The following SUPT20H variants were observed in gnomAD, a reference collection of about 807,000 sequenced individuals.
SUPT20H encodes the protein SPT20 homolog, SAGA complex component, also known as transcription factor SPT20 homolog.
In SUPT20H, 82 loss-of-function variants were observed where a neutral mutation model predicts 122.8. The ratio of observed to expected loss-of-function variants is 0.67; its 90% CI spans 0.56 to 0.80. The LOEUF (loss-of-function observed/expected upper bound fraction) is 0.80. Ranked by LOEUF, SUPT20H falls within the 30% of genes least tolerant of loss-of-function variation. SUPT20H has a pLI of 0.00. For synonymous variants in SUPT20H, 291 were observed against 313.0 expected (o/e 0.93, Z 0.74); for missense variants, 831 against 921.6 (o/e 0.90, Z 1.27).
intron 16 of SUPT20H, chr13:37,025,714 T>G (rs2062138440): frequency 3.2e-6 from 1 of 309,334 alleles, no homozygotes; most frequent in African/African-American, 2.2e-5. Flanking sequence ...ACTTAAGTAA[T>G]AAGCAGCCAA....
At chr13:37,044,810 T>C (rs1353342229) in intron 6 of SUPT20H, among the ~76,000 whole-genome samples, 1 of 152,212 alleles carries the variant, frequency 6.6e-6, no homozygotes, top group Non-Finnish European at 1.5e-5. Context: ...CTGCTTAATT[T>C]TGAAGATTTC....
intron 6 of SUPT20H, 123 bp downstream of exon 6, chr13:37,045,124 T>C: frequency 7.9e-7 from 1 of 1,268,370 alleles, no homozygotes; most frequent in Non-Finnish European, 1.1e-6. Flanking sequence ...AATCTGTTTT[T>C]ATCACTAGGT....
At chr13:37,011,784 G>T (rs1441895781) in intron 24 of SUPT20H, among the ~76,000 whole-genome samples, 1 of 151,944 alleles carries the variant, frequency 6.6e-6, no homozygotes, top group African/African-American at 2.4e-5. Context: ...TGACCATTAA[G>T]ACTTAAGTCA....
chr13:37,031,629 A>G lies in SUPT20H; in HGVS notation c.865-6T>C. The G allele has an allele frequency of 6.4e-7, 1 of 1,564,358 alleles. No homozygotes were observed. Among genetic ancestry groups the G allele is most frequent in the African/African-American group, 1.4e-5 (1 of 72,452 alleles). On this transcript the variant is annotated splice_region_variant and splice_polypyrimidine_tract_variant and intron_variant, in intron 11 of 25. Transcript: ENST00000350612. ...CGTTTCCACATATCTACACACTGAAAAATTAAAAACAATATACTGAAAAAT... is the reference window on the plus strand; with the variant it reads ...CGTTTCCACATATCTACACACTGAAGAATTAAAAACAATATACTGAAAAAT...
intron 9 of SUPT20H, among the ~76,000 whole-genome samples, chr13:37,036,603 A>G (rs2064471360): frequency 6.6e-6 from 1 of 152,070 alleles, no homozygotes; most frequent in African/African-American, 2.4e-5. Flanking sequence ...TACAGGTGTG[A>G]GCCACTGCGA....
chr13:37,045,390 C>T lies in SUPT20H; in HGVS notation c.166-17G>A, dbSNP rs1038511584. Reference sequence around the variant, plus strand: ...TCTTAATTTCTGCTTTAAAAAGAGGCAGAGCTCATGAAAATAATCCAGTAT... The same window carrying T: ...TCTTAATTTCTGCTTTAAAAAGAGGTAGAGCTCATGAAAATAATCCAGTAT... On this transcript the variant is annotated splice_polypyrimidine_tract_variant and intron_variant, in intron 5 of 25. Transcript: ENST00000350612. The T allele has an allele frequency of 1.9e-6, 3 of 1,611,974 alleles. No homozygotes were observed. The East Asian group carries it at 6.7e-5, about 36-fold the overall frequency.
In SUPT20H at chr13:37,026,807, T is replaced by G; in HGVS notation, c.1161A>C (p.Thr387=). ...TTAATTACCAATTTGAATGATCATC[T>G]GTGGACGAGCTGAAATATAAAATGT... ...DSQMSPSHSS[T]DDHSNWFIIG... is the part of the protein sequence containing the mutation. The change falls in exon 15 of 26, where the codon ACA becomes ACC. Residue 387 remains threonine (T), a synonymous_variant. Transcript: ENST00000350612. 1 of 1,442,718 alleles carries G rather than the reference T, an allele frequency of 6.9e-7. No homozygotes were observed. Among genetic ancestry groups the G allele is most frequent in the East Asian group, 2.7e-5 (1 of 36,922 alleles). 89.4% of individuals were successfully genotyped at this position (1,442,718 alleles called of 1,614,324 possible).
chr13:37,030,806 A>AT (rs2063162381), intron 12 of SUPT20H, among the ~76,000 whole-genome samples: 1 of 152,234 alleles, frequency 6.6e-6, no homozygotes, highest in South Asian at 2.1e-4. Context: ...AGAACTGCAC[A>AT]TAAGCTACCA....
rs150083884 is a variant in SUPT20H, at chr13:37,056,474, A to T, written c.-94+3085T>A. ...GTTCATGTCCTTTGCAGTGACATGG[A>T]TGAAGCTGGAAACCATCATTCTCAG... On this transcript the variant is annotated intron_variant, in intron 1 of 25. Transcript: ENST00000350612. Among the ~76,000 whole-genome samples, 353 of 152,334 alleles carry T rather than the reference A, an allele frequency of 2.3e-3. 6 individuals carry two copies. The highest frequency in any genetic ancestry group is 0.021 in the Admixed American group (321 of 15,298).
Position 37,024,036 on chromosome 13 carries a change from T to TTGTGATGAG in SUPT20H, c.1581_1589dup (p.Ser529_Gln530insHisSerSer), listed in dbSNP as rs2061795201. ...TGAAGAATTTAAGTTATGACTCACT[T>TTGTGATGAG]TGTGATGAGCTGGCAGGTGATAGGG... is the stretch of plus-strand genomic sequence containing the variant. On this transcript the variant is annotated inframe_insertion and splice_region_variant, in exon 19 of 26. Transcript: ENST00000350612. 6.2e-7 allele frequency: 1 copy of TTGTGATGAG among 1,602,180 alleles called. No homozygotes were observed. The highest frequency in any genetic ancestry group is 1.1e-5 in the South Asian group (1 of 88,700).
At chr13:37,023,523 A>G (rs527465116) in intron 19 of SUPT20H, 6 of 152,700 alleles carry the variant, frequency 3.9e-5, no homozygotes, top group Admixed American at 3.9e-4. Context: ...CATTTTAGTA[A>G]CTGACAACAA....
intron 23 of SUPT20H, among the ~76,000 whole-genome samples, chr13:37,016,719 A>T (rs2060571756): frequency 6.6e-6 from 1 of 152,100 alleles, no homozygotes; most frequent in South Asian, 2.1e-4. Context: ...TATTTTTTTA[A>T]TTTCCCAGAT....
At chr13:37,054,007 T>A (rs1414729933) in intron 1 of SUPT20H, among the ~76,000 whole-genome samples, 2 of 151,986 alleles carry the variant, frequency 1.3e-5, no homozygotes, top group South Asian at 2.1e-4. Flanking sequence ...CAAATAAACT[T>A]GAAAATCTAG....
intron 14 of SUPT20H, among the ~76,000 whole-genome samples, chr13:37,027,870 C>A (rs968265782): frequency 1.9e-4 from 29 of 152,054 alleles, no homozygotes; most frequent in African/African-American, 7.0e-4. Flanking sequence ...TCCTAAGTGC[C>A]ATAAACATAT....
chr13:37,047,428 G>C (rs957048108), intron 5 of SUPT20H, 107 bp downstream of exon 5: 2 of 1,216,824 alleles, frequency 1.6e-6, no homozygotes, highest in Non-Finnish European at 2.2e-6. Context: ...GGTTAAAAAA[G>C]ATGTTAGTTC....
intron 9 of SUPT20H, chr13:37,038,172 A>C (rs2138475106): frequency 6.6e-6 from 1 of 152,250 alleles, no homozygotes; most frequent in Middle Eastern, 3.4e-3. Context: ...TTTCTACATT[A>C]TAAAATTTCC....
At position 37,009,571 on chromosome 13, in the gene SUPT20H, G is replaced by A. The variant is rs2059223962; in HGVS notation, c.*101C>T. On this transcript the variant is annotated 3_prime_UTR_variant, in exon 26 of 26. Coordinates refer to ENST00000350612, the MANE Select transcript of SUPT20H (RefSeq NM_001014286.3). ...GTATAAAGTTTGTACATCTAGCAAT[G>A]TAAAATACTGACACATTAAAAAAAA... The A allele has an allele frequency of 7.3e-7, 1 of 1,371,530 alleles. No homozygotes were observed. Among genetic ancestry groups the A allele is most frequent in the Non-Finnish European group, 1.0e-6 (1 of 963,356 alleles). 85.0% of individuals were successfully genotyped at this position (1,371,530 alleles called of 1,614,324 possible). A position where few individuals can be genotyped will look rare whatever the true frequency, so the allele number is the denominator to read the frequency against.
intron 9 of SUPT20H, among the ~76,000 whole-genome samples, chr13:37,036,225 GA>G (rs2064362762): frequency 6.6e-6 from 1 of 151,998 alleles, no homozygotes; most frequent in Non-Finnish European, 1.5e-5. Context: ...AATGTATATA[GA>G]TTTTTTTTTA....
At chr13:37,010,497 A>C (rs1025491001) in intron 25 of SUPT20H, 55 bp downstream of exon 25, 1 of 1,461,062 alleles carries the variant, frequency 6.8e-7, no homozygotes, top group Admixed American at 1.7e-5. Flanking sequence ...ATTTTGAGGT[A>C]CTTTTGGAGC....
Sources: allele counts gnomAD v4.1 joint callset (sites outside exome capture counted in the v4.1 genomes callset), GRCh38; gene constraint gnomAD v4.1.1; transcripts MANE v1.5; gene names NCBI Gene and HGNC (gene_info 2026-07-23, HGNC 2026-07-21).